ACTR2: variants seen among roughly 807,000 people sequenced by gnomAD.
The protein encoded by ACTR2 is actin related protein 2.
In ACTR2, 5 loss-of-function variants were observed where a neutral mutation model predicts 50.2. That is an observed-to-expected ratio of 0.10 (90% CI 0.05 to 0.21). The LOEUF is 0.21. Among genes scored for constraint, ACTR2 ranks in the 10% least tolerant of loss-of-function variants. ACTR2 has a pLI of 1.00. For missense variants in ACTR2, 180 were observed against 480.6 expected (o/e 0.37, Z 5.85); for synonymous variants, 140 against 162.9 (o/e 0.86, Z 1.07).
At position 65,246,616 on chromosome 2, in the gene ACTR2, C is replaced by G; in HGVS notation, c.252C>G (p.Asp84Glu). 6.2e-7 allele frequency: 1 copy of G among 1,613,292 alleles called. No individual in the cohort carries two copies. The highest frequency in any genetic ancestry group is 2.2e-5 in the East Asian group (1 of 44,798). Residue 84 changes from aspartate to glutamate, a missense_variant, in exon 3 of 9, where the codon GAC becomes GAG. Transcript: ENST00000260641. Reference protein sequence around the residue: ...MENGIVRNWDDMKHLWDYTFG... With the variant: ...MENGIVRNWDEMKHLWDYTFG... ...ATGGCATAGTACGAAATTGGGATGA[C>G]ATGAAACACCTGTGGGACTACACAT... is the stretch of plus-strand genomic sequence containing the variant.
At chr2:65,237,809 T>C (rs1036061012) in intron 1 of ACTR2, among the ~76,000 whole-genome samples, 6 of 151,850 alleles carry the variant, frequency 4.0e-5, no homozygotes, top group African/African-American at 1.2e-4. Flanking sequence ...TGAAACCCCG[T>C]CTCTACTAAA....
At chr2:65,267,947 C>T (rs1311245371) in intron 8 of ACTR2, among the ~76,000 whole-genome samples, 2 of 136,140 alleles carry the variant, frequency 1.5e-5, no homozygotes, top group Admixed American at 1.7e-4. Flanking sequence ...CGTCATTCTC[C>T]TGCCTCAGCC....
At chr2:65,237,608 C>T (rs1671765033) in intron 1 of ACTR2, among the ~76,000 whole-genome samples, 1 of 152,102 alleles carries the variant, frequency 6.6e-6, no homozygotes, top group South Asian at 2.1e-4. Flanking sequence ...CCCAGCAACT[C>T]AGGAGGCTGA....
chr2:65,254,270 T>G (rs1376690818), intron 5 of ACTR2, among the ~76,000 whole-genome samples: 1 of 152,174 alleles, frequency 6.6e-6, no homozygotes, highest in East Asian at 1.9e-4. Context: ...TGATCTTGGT[T>G]GGGTTGTCTG....
Position 65,261,404 on chromosome 2 carries a change from G to A in ACTR2, c.881+12G>A, listed in dbSNP as rs268862. 1,346,197 of 1,603,078 alleles carry A rather than the reference G, an allele frequency of 0.84. 566,220 individuals carry two copies. Among genetic ancestry groups the A allele is most frequent in the African/African-American group, 0.9 (67,464 of 74,606 alleles). On this transcript the variant is annotated intron_variant, in intron 7 of 8. Coordinates refer to ENST00000260641, the MANE Select transcript of ACTR2 (RefSeq NM_005722.4). ...GACATTGATACCAGGTACATTAGAAGTGGTGATTTCAAAGTTATTTATCAG... is the reference window on the plus strand; with the variant it reads ...GACATTGATACCAGGTACATTAGAAATGGTGATTTCAAAGTTATTTATCAG...
At position 65,230,116 on chromosome 2, in the gene ACTR2, A is replaced by G. The variant is rs570574060; in HGVS notation, c.48+2159A>G. Among the ~76,000 whole-genome samples, 3 of 152,368 alleles carry G rather than the reference A, an allele frequency of 2.0e-5. No individual in the cohort carries two copies. The East Asian group carries it at 5.8e-4, about 29-fold the overall frequency. On this transcript the variant is annotated intron_variant, in intron 1 of 8. Transcript: ENST00000260641. ...AAACTATATTTAAACTAAATTAACCATAAACGCATGTTACATGTGCGGCTA... is the reference window on the plus strand; with the variant it reads ...AAACTATATTTAAACTAAATTAACCGTAAACGCATGTTACATGTGCGGCTA...
intron 1 of ACTR2, 80 bp downstream of exon 1, chr2:65,228,037 A>C: frequency 7.4e-7 from 1 of 1,342,884 alleles, no homozygotes. Context: ...CTCGGCCCCC[A>C]GGGCTGCACC....
At position 65,231,345 on chromosome 2, in the gene ACTR2, G is replaced by A. The variant is rs72892643; in HGVS notation, c.48+3388G>A. On this transcript the variant is annotated intron_variant, in intron 1 of 8. Transcript: ENST00000260641. ...CTGAGTATGTAGAGGACTAGGAACC[G>A]CTTAGATTGTGTATTCTGTTTCTTA... 7.3e-3 allele frequency among the ~76,000 whole-genome samples: 1,112 copies of A among 152,194 alleles called. 26 individuals are homozygous for A. Among genetic ancestry groups the A allele is most frequent in the African/African-American group, 0.025 (1,023 of 41,524 alleles).
chr2:65,239,839 T>G lies in ACTR2; in HGVS notation c.49-13T>G. The stretch of plus-strand genomic sequence containing the variant: ...TGATGCTAACCCACTTTTATTTTAC[T>G]GTTTCATTCCAGTTTGTGAAGTGTG... On this transcript the variant is annotated splice_polypyrimidine_tract_variant and intron_variant, in intron 1 of 8. Coordinates refer to ENST00000260641, the MANE Select transcript of ACTR2 (RefSeq NM_005722.4). 2 of 1,505,418 alleles carry G rather than the reference T, an allele frequency of 1.3e-6. No individual in the cohort carries two copies. Among genetic ancestry groups the G allele is most frequent in the Non-Finnish European group, 1.8e-6 (2 of 1,082,436 alleles). The allele number at this position is 1,505,418 out of a possible 1,614,324, so 93.3% of individuals were successfully genotyped here.
rs770445383 is a variant in ACTR2, at chr2:65,268,557, C to G, written c.1015-7C>G. The G allele has an allele frequency of 1.1e-5, 17 of 1,609,316 alleles. No homozygotes were observed. Among genetic ancestry groups the G allele is most frequent in the Non-Finnish European group, 1.4e-5 (16 of 1,178,396 alleles). Reference sequence around the variant, plus strand: ...TACCATTTCATTATCCTTTCTTTCTCCTTTAGAAATTTAAGATCCGCATTG... The same window carrying G: ...TACCATTTCATTATCCTTTCTTTCTGCTTTAGAAATTTAAGATCCGCATTG... On this transcript the variant is annotated splice_polypyrimidine_tract_variant and splice_region_variant and intron_variant, in intron 8 of 8. Transcript: ENST00000260641.
Position 65,270,184 on chromosome 2 carries a change from T to G in ACTR2, c.*1450T>G, listed in dbSNP as rs1174711501. On this transcript the variant is annotated 3_prime_UTR_variant, in exon 9 of 9. Coordinates refer to ENST00000260641, the MANE Select transcript of ACTR2 (RefSeq NM_005722.4). ...AATACAAGTTCTGGAAAAAATATTT[T>G]TCTTCATTTTAAAACTTTTTTTTAA... 7.0e-6 allele frequency: 1 copy of G among 143,254 alleles called. No individual in the cohort carries two copies. The highest frequency in any genetic ancestry group is 2.5e-5 in the African/African-American group (1 of 39,362). 8.9% of individuals were successfully genotyped at this position (143,254 alleles called of 1,614,324 possible).
chr2:65,245,358 A>G (rs1383546210), intron 2 of ACTR2, among the ~76,000 whole-genome samples: 1 of 152,020 alleles, frequency 6.6e-6, no homozygotes, highest in African/African-American at 2.4e-5. Context: ...CATCTCTACT[A>G]AAAATACAAA....
intron 1 of ACTR2, among the ~76,000 whole-genome samples, chr2:65,231,227 T>G (rs929781424): frequency 1.3e-5 from 2 of 152,184 alleles, no homozygotes; most frequent in African/African-American, 2.4e-5. Context: ...TTTTAAAATT[T>G]TATGCAGATT....
intron 2 of ACTR2, among the ~76,000 whole-genome samples, chr2:65,246,008 T>G (rs887732523): frequency 7.1e-4 from 108 of 152,340 alleles, no homozygotes; most frequent in South Asian, 2.5e-3. Context: ...TATTAGTTGG[T>G]GTATGTATGC....
intron 3 of ACTR2, among the ~76,000 whole-genome samples, chr2:65,249,823 A>G (rs1451031160): frequency 1.1e-4 from 16 of 152,186 alleles, no homozygotes; most frequent in Admixed American, 1.0e-3. Context: ...GGAGGTTGTA[A>G]TTACAGTCTT....
Position 65,268,648 on chromosome 2 carries a change from G to T in ACTR2, c.1099G>T (p.Asp367Tyr). Residue 367 changes from aspartate to tyrosine, a missense_variant, in exon 9 of 9, where the codon GAC becomes TAC. Physicochemically the swap from Asp to Tyr is radical, Grantham distance 160. Coordinates refer to ENST00000260641, the MANE Select transcript of ACTR2 (RefSeq NM_005722.4). Reference protein sequence around the residue: ...GGAVLADIMKDKDNFWMTRQE... With the variant: ...GGAVLADIMKYKDNFWMTRQE... The stretch of plus-strand genomic sequence containing the variant: ...TGCAGTTCTAGCGGATATCATGAAA[G>T]ACAAAGACAACTTTTGGATGACCCG... 6.2e-7 allele frequency: 1 copy of T among 1,614,120 alleles called. No homozygotes were observed. The highest frequency in any genetic ancestry group is 8.5e-7 in the Non-Finnish European group (1 of 1,180,004).
At chr2:65,234,413 T>G (rs2103982579) in intron 1 of ACTR2, among the ~76,000 whole-genome samples, 1 of 152,332 alleles carries the variant, frequency 6.6e-6, no homozygotes, top group Middle Eastern at 3.4e-3. Context: ...ATCTTTAATT[T>G]GAATGAAAAG....
intron 2 of ACTR2, chr2:65,242,088 T>G: frequency 6.4e-7 from 1 of 1,559,974 alleles, no homozygotes; most frequent in Non-Finnish European, 8.8e-7. Flanking sequence ...ACACATGCTC[T>G]GTTTGTTTTC....
chr2:65,256,896 GTT>G, intron 6 of ACTR2, among the ~76,000 whole-genome samples: 1 of 144,200 alleles, frequency 6.9e-6, no homozygotes, highest in Non-Finnish European at 1.5e-5. Flanking sequence ...AAAAAAAAAA[GTT>G]AAGATAGTGA....
Sources: gnomAD v4.1 joint callset for allele counts (sites outside exome capture counted in the v4.1 genomes callset) on GRCh38, gnomAD v4.1.1 for gene constraint, MANE v1.5 for transcripts, NCBI Gene and HGNC (gene_info 2026-07-23, HGNC 2026-07-21) for gene names.